The following RPIA variants were observed in gnomAD, a reference collection of about 807,000 sequenced individuals.
RPIA encodes the protein ribose 5-phosphate isomerase A.
Under a neutral mutation model 37.8 loss-of-function variants are expected in RPIA, and 29 were observed. The ratio of observed to expected loss-of-function variants is 0.77; its 90% CI spans 0.57 to 1.05. RPIA has a LOEUF of 1.05. Ranked by LOEUF, RPIA falls within the 50% of genes least tolerant of loss-of-function variation. The probability of loss-of-function intolerance (pLI) is 0.00; values close to 1 mark genes in which losing one functional copy is unlikely to be tolerated. For synonymous variants in RPIA, 167 were observed against 157.0 expected (o/e 1.06, Z -0.48); for missense variants, 385 against 413.6 (o/e 0.93, Z 0.60).
intron 3 of RPIA, among the ~76,000 whole-genome samples, chr2:88,711,638 A>T (rs573974479): frequency 6.6e-6 from 1 of 152,290 alleles, no homozygotes; most frequent in East Asian, 1.9e-4. Flanking sequence ...CAAGGAAAAG[A>T]CCTGGAAAGG....
intron 8 of RPIA, among the ~76,000 whole-genome samples, chr2:88,747,719 C>T (rs111975180): frequency 1.4e-3 from 214 of 152,286 alleles, no homozygotes; most frequent in South Asian, 7.0e-3. Flanking sequence ...AGATTAAATC[C>T]GTCTCCTGTG....
At chr2:88,695,403 T>C (rs1473873143) in intron 1 of RPIA, among the ~76,000 whole-genome samples, 1 of 152,224 alleles carries the variant, frequency 6.6e-6, no homozygotes, top group Admixed American at 6.5e-5. Context: ...GATACCCAGC[T>C]GGTGTCTGCT....
At chr2:88,739,856 C>G (rs185399113) in intron 8 of RPIA, among the ~76,000 whole-genome samples, 2 of 152,292 alleles carry the variant, frequency 1.3e-5, no homozygotes, top group Non-Finnish European at 2.9e-5. Flanking sequence ...CTCAAAGTCT[C>G]CCTTGGCCTC....
intron 8 of RPIA, among the ~76,000 whole-genome samples, chr2:88,743,654 C>T (rs1673408050): frequency 6.6e-6 from 1 of 151,990 alleles, no homozygotes; most frequent in South Asian, 2.1e-4. Context: ...GCTGTGAATC[C>T]ATTTGGTTCT....
chr2:88,745,774 A>G (rs1371027442), intron 8 of RPIA, among the ~76,000 whole-genome samples: 3 of 152,142 alleles, frequency 2.0e-5, no homozygotes, highest in African/African-American at 4.8e-5. Context: ...TCTTTTTGCA[A>G]TGAATTTCCT....
chr2:88,738,144 C>T, intron 8 of RPIA, 68 bp downstream of exon 8: 1 of 1,092,258 alleles, frequency 9.2e-7, no homozygotes, highest in East Asian at 2.4e-5. Flanking sequence ...CTACATCTGG[C>T]CACAGAAGGC....
At chr2:88,749,134 T>G (rs1290126527) in intron 8 of RPIA, among the ~76,000 whole-genome samples, 1 of 152,246 alleles carries the variant, frequency 6.6e-6, no homozygotes, top group African/African-American at 2.4e-5. Context: ...TGACCAAATG[T>G]ATGCCTAACA....
intron 1 of RPIA, among the ~76,000 whole-genome samples, chr2:88,697,125 C>G (rs1672757109): frequency 6.6e-6 from 1 of 152,200 alleles, no homozygotes; most frequent in East Asian, 1.9e-4. Flanking sequence ...AAGTGTATCT[C>G]TATACAGTCG....
chr2:88,698,464 TC>T lies in RPIA; in HGVS notation c.286-19del, dbSNP rs1672786627. On this transcript the variant is annotated intron_variant, in intron 1 of 8. Coordinates refer to ENST00000283646, the MANE Select transcript of RPIA (RefSeq NM_144563.3). ...TATGATATTAATAAGTTTTGTTTTT[TC>T]TTCCCCGTTTTTTGGCAGAATAACC... is the stretch of plus-strand genomic sequence containing the variant. The T allele has an allele frequency of 6.2e-7, 1 of 1,613,238 alleles. No homozygotes were observed. The highest frequency in any genetic ancestry group is 1.1e-5 in the South Asian group (1 of 91,076).
At chr2:88,692,511 A>G (rs369533457) in intron 1 of RPIA, among the ~76,000 whole-genome samples, 37 of 152,100 alleles carry the variant, frequency 2.4e-4, no homozygotes, top group African/African-American at 8.5e-4. Context: ...CCTTCTTTCC[A>G]TAGGGCTGGG....
intron 1 of RPIA, among the ~76,000 whole-genome samples, chr2:88,692,754 T>A (rs1676956660): frequency 6.6e-6 from 1 of 152,216 alleles, no homozygotes; most frequent in South Asian, 2.1e-4. Flanking sequence ...TTGGTCTTAT[T>A]GGCTTTTTAT....
chr2:88,748,334 C>T (rs1673462716), intron 8 of RPIA, among the ~76,000 whole-genome samples: 1 of 152,124 alleles, frequency 6.6e-6, no homozygotes, highest in Non-Finnish European at 1.5e-5. Flanking sequence ...TCCACTTTAC[C>T]TATGTAACAT....
chr2:88,700,085 G>T, intron 3 of RPIA, 21 bp downstream of exon 3: 2 of 1,612,492 alleles, frequency 1.2e-6, no homozygotes, highest in Non-Finnish European at 8.5e-7. Flanking sequence ...CTTTCCATCT[G>T]CATCGTGACA....
At chr2:88,715,371 T>C (rs1012924541) in intron 3 of RPIA, among the ~76,000 whole-genome samples, 2 of 152,224 alleles carry the variant, frequency 1.3e-5, no homozygotes, top group East Asian at 1.9e-4. Context: ...GAAAAAATCA[T>C]AAGCAATTCT....
chr2:88,716,838 A>G (rs1673042779), intron 3 of RPIA, among the ~76,000 whole-genome samples: 1 of 152,256 alleles, frequency 6.6e-6, no homozygotes, highest in Admixed American at 6.5e-5. Context: ...GACAAAAGGC[A>G]TACAAATGTG....
At chr2:88,727,477 A>G (rs555204685) in intron 3 of RPIA, among the ~76,000 whole-genome samples, 1 of 152,196 alleles carries the variant, frequency 6.6e-6, no homozygotes, top group African/African-American at 2.4e-5. Flanking sequence ...GGTTTGCTGT[A>G]CAGATTATTT....
intron 8 of RPIA, among the ~76,000 whole-genome samples, chr2:88,743,635 T>C (rs547610362): frequency 3.0e-4 from 45 of 152,320 alleles, no homozygotes; most frequent in African/African-American, 8.4e-4. Context: ...GAATGTCTGA[T>C]AGAATTCAGC....
intron 1 of RPIA, among the ~76,000 whole-genome samples, chr2:88,697,606 G>T (rs537673706): frequency 6.6e-6 from 1 of 152,092 alleles, no homozygotes; most frequent in South Asian, 2.1e-4. Flanking sequence ...TACCTTCTTT[G>T]TTTCTTCTTG....
chr2:88,719,957 G>A (rs1313944611), intron 3 of RPIA, among the ~76,000 whole-genome samples: 1 of 152,022 alleles, frequency 6.6e-6, no homozygotes, highest in South Asian at 2.1e-4. Context: ...CTCAAAATTG[G>A]CCCTTACAAT....
Sources: allele counts gnomAD v4.1 joint callset (sites outside exome capture counted in the v4.1 genomes callset), GRCh38; gene constraint gnomAD v4.1.1; transcripts MANE v1.5; gene names NCBI Gene and HGNC (gene_info 2026-07-23, HGNC 2026-07-21).